Variants in TANGO6 observed in about 807,000 individuals in gnomAD.
TANGO6 encodes the protein transport and Golgi organization protein 6 homolog.
In TANGO6, 90 loss-of-function variants were observed where a neutral mutation model predicts 114.2. The observed-to-expected ratio is 0.79, with a 90% CI of 0.66 to 0.94. The LOEUF is 0.94. TANGO6 is among the 40% of genes least tolerant of loss of function. The pLI, the probability that TANGO6 is intolerant of heterozygous loss-of-function variation, is 0.00. For synonymous variants in TANGO6, 477 were observed against 509.8 expected (o/e 0.94, Z 0.87); for missense variants, 1,274 against 1,315.3 (o/e 0.97, Z 0.49).
chr16:68,984,342 G>A (rs537261638), intron 15 of TANGO6, among the ~76,000 whole-genome samples: 69 of 152,156 alleles, frequency 4.5e-4, no homozygotes, highest in Middle Eastern at 6.8e-3. Context: ...AATATAAATG[G>A]AAATACTAAT....
At chr16:68,886,454 C>CT (rs1171566947) in intron 7 of TANGO6, among the ~76,000 whole-genome samples, 2 of 151,804 alleles carry the variant, frequency 1.3e-5, no homozygotes, top group Non-Finnish European at 1.5e-5. Flanking sequence ...GGGCTCCTGG[C>CT]TTAACAAACA....
chr16:68,949,913 G>A (rs1963455616), intron 14 of TANGO6, among the ~76,000 whole-genome samples: 1 of 152,000 alleles, frequency 6.6e-6, no homozygotes, highest in Non-Finnish European at 1.5e-5. Flanking sequence ...CCTGATGAAT[G>A]GATTCATAAC....
chr16:68,902,618 C>A, intron 9 of TANGO6, 114 bp downstream of exon 9: 1 of 928,696 alleles, frequency 1.1e-6, no homozygotes, highest in Non-Finnish European at 1.6e-6. Context: ...ACTCAAGTGG[C>A]TCAGGTGCCT....
chr16:68,927,919 A>T lies in TANGO6; in HGVS notation c.2479A>T (p.Thr827Ser). ...PQGVNEPSTT[T>S]SQKSGSVTTE... ...AGGAGTCAATGAGCCCAGCACTACT[A>T]CAAGTCAGAAATCTGGAAGCGTAAC... Residue 827 changes from threonine (T) to serine (S), a missense_variant, in exon 13 of 18, where the codon ACA becomes TCA. Around this residue, in one of 5 missense-constraint regions of TANGO6, gnomAD observed 908 missense variants for 910.2 expected, o/e 1.00. Transcript: ENST00000261778. 1 of 1,613,902 alleles carries T rather than the reference A, an allele frequency of 6.2e-7. No homozygotes were observed.
chr16:68,928,614 A>G (rs778600123), intron 13 of TANGO6, among the ~76,000 whole-genome samples: 2 of 152,058 alleles, frequency 1.3e-5, no homozygotes, highest in Non-Finnish European at 2.9e-5. Flanking sequence ...AAATTTTTGC[A>G]TGCAAGAAAT....
At chr16:68,900,326 A>T (rs1962764776) in intron 7 of TANGO6, 108 bp from the exon 8 acceptor site, 1 of 811,450 alleles carries the variant, frequency 1.2e-6, no homozygotes. Context: ...TGTGATTCGG[A>T]TGAGATATTG....
intron 12 of TANGO6, among the ~76,000 whole-genome samples, chr16:68,919,806 C>T (rs1443093857): frequency 2.0e-5 from 3 of 152,142 alleles, no homozygotes; most frequent in East Asian, 1.9e-4. Context: ...CTTTGGGAGG[C>T]TGAGTTTGGT....
At chr16:69,043,319 T>C (rs1399001099) in intron 17 of TANGO6, among the ~76,000 whole-genome samples, 1 of 141,822 alleles carries the variant, frequency 7.1e-6, no homozygotes, top group East Asian at 2.2e-4. Context: ...TGTGTGTGTG[T>C]GTGTAGCAGA....
chr16:68,870,849 C>G (rs979814321), intron 4 of TANGO6, among the ~76,000 whole-genome samples: 1 of 150,712 alleles, frequency 6.6e-6, no homozygotes, highest in Non-Finnish European at 1.5e-5. Context: ...CCCACGATCT[C>G]GGCTCACTGC....
At chr16:69,046,569 G>A (rs1959862695) in intron 17 of TANGO6, among the ~76,000 whole-genome samples, 1 of 151,992 alleles carries the variant, frequency 6.6e-6, no homozygotes, top group Non-Finnish European at 1.5e-5. Context: ...GCCCGCCTCA[G>A]CCTCCTTGCC....
intron 11 of TANGO6, among the ~76,000 whole-genome samples, chr16:68,916,610 A>G (rs1597018447): frequency 6.6e-6 from 1 of 151,996 alleles, no homozygotes; most frequent in Non-Finnish European, 1.5e-5. Context: ...CTACCCCTCC[A>G]TTCTTTACTT....
Position 68,944,518 on chromosome 16 carries a change from A to AC in TANGO6, c.2701+14229dup, listed in dbSNP as rs1327936932. 3.3e-5 allele frequency among the ~76,000 whole-genome samples: 5 copies of AC among 151,852 alleles called. No individual in the cohort carries two copies. In the East Asian group the frequency reaches 5.8e-4, roughly 18 times the overall value. On this transcript the variant is annotated intron_variant, in intron 14 of 17. Coordinates refer to ENST00000261778, the MANE Select transcript of TANGO6 (RefSeq NM_024562.2). ...CAGATGATCTCCCAACCAGAGAGAG[A>AC]CCCCCCTCCAAATAAGAGGAGGAAA...
chr16:68,890,697 C>T (rs1191465278), intron 7 of TANGO6, among the ~76,000 whole-genome samples: 1 of 151,942 alleles, frequency 6.6e-6, no homozygotes, highest in Non-Finnish European at 1.5e-5. Context: ...CCAGCCTGGC[C>T]AATATGGTGA....
chr16:68,899,070 C>T (rs1026728160), intron 7 of TANGO6, among the ~76,000 whole-genome samples: 15 of 151,418 alleles, frequency 9.9e-5, no homozygotes, highest in Non-Finnish European at 2.2e-4. Flanking sequence ...CCCAGGAGTT[C>T]GAGACCAGCC....
intron 12 of TANGO6, among the ~76,000 whole-genome samples, chr16:68,925,617 A>G (rs1290618151): frequency 6.6e-6 from 1 of 152,140 alleles, no homozygotes; most frequent in African/African-American, 2.4e-5. Flanking sequence ...TAATTTTAAT[A>G]AGGTCCAGGT....
chr16:69,051,481 C>T (rs1378522844), intron 17 of TANGO6, among the ~76,000 whole-genome samples: 7 of 152,084 alleles, frequency 4.6e-5, no homozygotes, highest in Admixed American at 3.3e-4. Flanking sequence ...TTTGACAACA[C>T]GGTGAAACAT....
intron 5 of TANGO6, among the ~76,000 whole-genome samples, chr16:68,875,584 T>C (rs995188516): frequency 1.4e-4 from 22 of 151,986 alleles, no homozygotes; most frequent in Admixed American, 1.3e-3. Flanking sequence ...CTGACCAACA[T>C]GGAGAAACCC....
chr16:68,930,432 C>T, intron 14 of TANGO6, 137 bp downstream of exon 14: 3 of 652,422 alleles, frequency 4.6e-6, no homozygotes, highest in Non-Finnish European at 8.0e-6. Flanking sequence ...CTAGCTAGGA[C>T]ACTTTAAGTC....
intron 7 of TANGO6, among the ~76,000 whole-genome samples, chr16:68,888,158 C>A (rs539811630): frequency 2.6e-5 from 4 of 152,284 alleles, no homozygotes; most frequent in African/African-American, 9.6e-5. Flanking sequence ...TATGTACCTT[C>A]TATCTGGTAA....
Sources: allele counts gnomAD v4.1 joint callset (sites outside exome capture counted in the v4.1 genomes callset), GRCh38; gene constraint gnomAD v4.1.1; regional missense constraint gnomAD v4.1.1; transcripts MANE v1.5; gene names NCBI Gene and HGNC (gene_info 2026-07-23, HGNC 2026-07-21).